Variants in CFAP54 observed in about 807,000 individuals in gnomAD.
CFAP54 encodes cilia and flagella associated protein 54, also known as cilia- and flagella-associated protein 54.
In CFAP54, 290 loss-of-function variants were observed where a neutral mutation model predicts 370.4. The observed-to-expected ratio is 0.78, with a 90% CI of 0.71 to 0.86. The LOEUF (loss-of-function observed/expected upper bound fraction) is 0.86, where lower values mean the gene tolerates loss of function less well. CFAP54 is among the 40% of genes least tolerant of loss of function. CFAP54 has a pLI of 0.00. For synonymous variants in CFAP54, 1,206 were observed against 1,236.5 expected (o/e 0.98, Z 0.52); for missense variants, 3,399 against 3,528.7 (o/e 0.96, Z 0.93).
chr12:96,514,720 A>G (rs1955211113), intron 5 of CFAP54, among the ~76,000 whole-genome samples: 1 of 152,198 alleles, frequency 6.6e-6, no homozygotes, highest in African/African-American at 2.4e-5. Flanking sequence ...ATAATTTCTT[A>G]TTCATAACCT....
chr12:96,603,646 G>A (rs1307721910), intron 26 of CFAP54, among the ~76,000 whole-genome samples: 3 of 152,140 alleles, frequency 2.0e-5, no homozygotes, highest in African/African-American at 7.2e-5. Flanking sequence ...TGTAGGCTTT[G>A]TTCGTTTCTT....
chr12:96,732,166 C>T (rs1377969360), intron 50 of CFAP54, among the ~76,000 whole-genome samples: 7 of 152,058 alleles, frequency 4.6e-5, no homozygotes. Flanking sequence ...TGCTGTGTCA[C>T]CCAGGCTGGA....
Position 96,816,191 on chromosome 12 carries a change from A to G in CFAP54, c.8958-1584A>G, listed in dbSNP as rs186716232. Among the ~76,000 whole-genome samples, 233 of 152,350 alleles carry G rather than the reference A, an allele frequency of 1.5e-3. 1 individual carries two copies. The highest frequency in any genetic ancestry group is 2.7e-3 in the Non-Finnish European group (185 of 68,038). On this transcript the variant is annotated intron_variant, in intron 64 of 67. Coordinates refer to ENST00000524981, the MANE Select transcript of CFAP54 (RefSeq NM_001306084.2). The stretch of plus-strand genomic sequence containing the variant: ...TTCACGATATTGATTCTTCCTATCC[A>G]TGATCATGGAATGTTTTTCCATTTG...
chr12:96,858,577 C>T (rs1959781159), intron 66 of CFAP54, among the ~76,000 whole-genome samples: 1 of 152,208 alleles, frequency 6.6e-6, no homozygotes, highest in Non-Finnish European at 1.5e-5. Context: ...TTCCCATGTC[C>T]AGCTTTGTAT....
chr12:96,700,105 A>G lies in CFAP54; in HGVS notation c.6474+12A>G, dbSNP rs1381163519. ...CTGGAAAAATGAAGGTAACCTGACA[A>G]TTTGATTCAAAGCAATTTCTTTACC... is the stretch of plus-strand genomic sequence containing the variant. On this transcript the variant is annotated intron_variant, in intron 46 of 67. Coordinates refer to ENST00000524981, the MANE Select transcript of CFAP54 (RefSeq NM_001306084.2). 2 of 1,599,146 alleles carry G rather than the reference A, an allele frequency of 1.3e-6. No homozygotes were observed. Among genetic ancestry groups the G allele is most frequent in the African/African-American group, 2.7e-5 (2 of 73,932 alleles).
chr12:96,525,486 G>T (rs1365189638), intron 8 of CFAP54, among the ~76,000 whole-genome samples: 1 of 149,656 alleles, frequency 6.7e-6, no homozygotes, highest in South Asian at 2.1e-4. Flanking sequence ...TCTTTTTGCT[G>T]GTTTTTCTAT....
At chr12:96,660,519 T>A (rs1425772477) in intron 38 of CFAP54, among the ~76,000 whole-genome samples, 1 of 152,100 alleles carries the variant, frequency 6.6e-6, no homozygotes, top group African/African-American at 2.4e-5. Context: ...TCTAACTGCC[T>A]ATATCAGCCA....
chr12:96,687,055 G>C (rs997838254), intron 42 of CFAP54, among the ~76,000 whole-genome samples: 1 of 152,046 alleles, frequency 6.6e-6, no homozygotes, highest in Non-Finnish European at 1.5e-5. Flanking sequence ...ATTCCTTGGC[G>C]CATGGCCCCA....
chr12:96,515,167 C>T (rs1240683499), intron 5 of CFAP54, among the ~76,000 whole-genome samples: 2 of 152,016 alleles, frequency 1.3e-5, no homozygotes, highest in Non-Finnish European at 2.9e-5. Context: ...ACCACCATGC[C>T]AGGCTAATTT....
intron 33 of CFAP54, chr12:96,645,735 C>G (rs1592904349): frequency 6.6e-6 from 1 of 152,342 alleles, no homozygotes; most frequent in Non-Finnish European, 1.5e-5. Context: ...CAGCATGGTA[C>G]TGGTACCAAA....
intron 26 of CFAP54, among the ~76,000 whole-genome samples, chr12:96,610,156 A>G (rs1271456967): frequency 2.0e-5 from 3 of 152,254 alleles, no homozygotes; most frequent in East Asian, 3.8e-4. Context: ...CCCTAAGTCT[A>G]CAGAAGAAAT....
intron 50 of CFAP54, among the ~76,000 whole-genome samples, chr12:96,728,688 T>C (rs1441233614): frequency 6.6e-6 from 1 of 152,240 alleles, no homozygotes; most frequent in Admixed American, 6.5e-5. Flanking sequence ...GTCAAAGTCA[T>C]TCTCCGTCCA....
At chr12:96,502,798 T>C (rs1955045331) in intron 2 of CFAP54, among the ~76,000 whole-genome samples, 1 of 152,140 alleles carries the variant, frequency 6.6e-6, no homozygotes, top group Non-Finnish European at 1.5e-5. Flanking sequence ...CTGAGCCCTG[T>C]GGGTTACAGA....
At chr12:96,567,628 A>G (rs1378268805) in intron 19 of CFAP54, among the ~76,000 whole-genome samples, 2 of 152,160 alleles carry the variant, frequency 1.3e-5, no homozygotes, top group African/African-American at 4.8e-5. Context: ...TTTTATGGCA[A>G]ATAAACCTTA....
intron 26 of CFAP54, among the ~76,000 whole-genome samples, chr12:96,616,375 G>T (rs560642400): frequency 1.5e-4 from 23 of 152,148 alleles, no homozygotes; most frequent in South Asian, 4.2e-4. Context: ...GGTGGTGGGA[G>T]GGGGGAGGGA....
chr12:96,867,673 C>T (rs1960039799), intron 67 of CFAP54, among the ~76,000 whole-genome samples: 1 of 152,168 alleles, frequency 6.6e-6, no homozygotes, highest in African/African-American at 2.4e-5. Context: ...AAGACAAATA[C>T]TGCATGATCT....
chr12:96,807,761 G>A (rs76771851), intron 63 of CFAP54, among the ~76,000 whole-genome samples: 2 of 152,122 alleles, frequency 1.3e-5, no homozygotes, highest in Non-Finnish European at 2.9e-5. Context: ...GGGATTAGCA[G>A]TAGGTCTAAG....
chr12:96,617,646 G>C (rs753394589), intron 26 of CFAP54, among the ~76,000 whole-genome samples: 1 of 152,092 alleles, frequency 6.6e-6, no homozygotes, highest in East Asian at 1.9e-4. Flanking sequence ...ACATTAATTC[G>C]TGTTGTGCTG....
chr12:96,849,379 T>C (rs1484735592), intron 66 of CFAP54, among the ~76,000 whole-genome samples: 3 of 152,226 alleles, frequency 2.0e-5, no homozygotes, highest in African/African-American at 7.2e-5. Flanking sequence ...CATGCCTAAT[T>C]GATTAGTAAG....
Sources: allele counts gnomAD v4.1 joint callset (sites outside exome capture counted in the v4.1 genomes callset), GRCh38; gene constraint gnomAD v4.1.1; transcripts MANE v1.5; gene names NCBI Gene and HGNC (gene_info 2026-07-23, HGNC 2026-07-21).